ACTR2: variants seen among roughly 807,000 people sequenced by gnomAD.
ACTR2 encodes the protein actin related protein 2, also known as actin-related protein 2.
A neutral mutation model predicts 50.2 loss-of-function variants in ACTR2; 5 were observed. The ratio of observed to expected loss-of-function variants is 0.10; its 90% CI spans 0.05 to 0.21. The LOEUF (loss-of-function observed/expected upper bound fraction) is 0.21. Among genes scored for constraint, ACTR2 ranks in the 10% least tolerant of loss-of-function variants. The probability of loss-of-function intolerance (pLI) is 1.00; values close to 1 mark genes in which losing one functional copy is unlikely to be tolerated. For missense variants in ACTR2, 180 were observed against 480.6 expected (o/e 0.37, Z 5.85); for synonymous variants, 140 against 162.9 (o/e 0.86, Z 1.07).
chr2:65,244,236 A>T (rs1243132032), intron 2 of ACTR2, among the ~76,000 whole-genome samples: 5 of 152,182 alleles, frequency 3.3e-5, no homozygotes, highest in Admixed American at 6.5e-5. Flanking sequence ...TTGAAATCAG[A>T]TCAGACTTAT....
chr2:65,246,797 AAATTTTC>A, intron 3 of ACTR2, 58 bp downstream of exon 3: 2 of 274,318 alleles, frequency 7.3e-6, no homozygotes, highest in Non-Finnish European at 1.0e-5. Flanking sequence ...GTTAAATCAA[AAATTTTC>A]TTACTGTTGC....
In ACTR2 at chr2:65,262,062, A is replaced by C. The variant is rs561000472; in HGVS notation, c.881+670A>C. ...TATTCAGGTCCTTTGCCCATTTATT[A>C]ATTGGGTTATTTGCTTTCTTGCTAT... On this transcript the variant is annotated intron_variant, in intron 7 of 8. Transcript: ENST00000260641. Among the ~76,000 whole-genome samples, 3 of 152,198 alleles carry C rather than the reference A, an allele frequency of 2.0e-5. No homozygotes were observed. In the South Asian group the frequency reaches 6.2e-4, roughly 32 times the overall value.
intron 7 of ACTR2, among the ~76,000 whole-genome samples, chr2:65,261,619 T>G (rs7574095): frequency 0.011 from 1,681 of 152,338 alleles, 40 homozygotes; most frequent in African/African-American, 0.038. Context: ...TCATGTTTGC[T>G]TTTTCATTCT....
At chr2:65,263,256 G>T (rs1672308782) in intron 7 of ACTR2, among the ~76,000 whole-genome samples, 1 of 125,134 alleles carries the variant, frequency 8.0e-6, no homozygotes, top group Non-Finnish European at 1.7e-5. Context: ...GTAGATTTTG[G>T]AGTTTTGGGT....
intron 2 of ACTR2, among the ~76,000 whole-genome samples, chr2:65,242,806 T>C (rs1671866312): frequency 6.6e-6 from 1 of 152,216 alleles, no homozygotes; most frequent in Admixed American, 6.5e-5. Flanking sequence ...ACTTTTCAAG[T>C]TTGTTTTTAA....
At chr2:65,228,255 G>A in intron 1 of ACTR2, 2 of 340,914 alleles carry the variant, frequency 5.9e-6, no homozygotes, top group Non-Finnish European at 1.1e-5. Context: ...GCGCTAATGC[G>A]GGGGCAATTG....
intron 3 of ACTR2, among the ~76,000 whole-genome samples, chr2:65,249,008 G>T (rs527863788): frequency 4.0e-5 from 6 of 149,468 alleles, no homozygotes; most frequent in African/African-American, 1.5e-4. Flanking sequence ...GCGAGACTCT[G>T]TCTCAAAAAG....
At chr2:65,242,105 T>A in intron 2 of ACTR2, 1 of 1,445,980 alleles carries the variant, frequency 6.9e-7, no homozygotes, top group Non-Finnish European at 9.7e-7. Flanking sequence ...TTTCCACTTT[T>A]GCTTGATGGG....
chr2:65,253,265 C>T (rs1324971468), intron 4 of ACTR2, among the ~76,000 whole-genome samples: 2 of 152,020 alleles, frequency 1.3e-5, no homozygotes, highest in Admixed American at 6.6e-5. Context: ...CATGGCGAAA[C>T]TCTGTCTCTA....
chr2:65,238,532 G>A (rs1016788381), intron 1 of ACTR2, among the ~76,000 whole-genome samples: 1 of 151,634 alleles, frequency 6.6e-6, no homozygotes, highest in African/African-American at 2.4e-5. Flanking sequence ...GGTGGTGGGC[G>A]CCTGTAGTCT....
chr2:65,245,593 G>A (rs910782820), intron 2 of ACTR2, among the ~76,000 whole-genome samples: 1 of 152,042 alleles, frequency 6.6e-6, no homozygotes, highest in Non-Finnish European at 1.5e-5. Flanking sequence ...ACGTATTGTA[G>A]CAAATATCTA....
intron 2 of ACTR2, chr2:65,246,207 G>A (rs1314959915): frequency 1.6e-5 from 3 of 186,074 alleles, no homozygotes; most frequent in African/African-American, 7.1e-5. Context: ...GAACAATTGA[G>A]CAAAAGAAAC....
Position 65,265,045 on chromosome 2 carries a change from C to A in ACTR2, c.884C>A (p.Ser295Tyr). 6.2e-7 allele frequency: 1 copy of A among 1,614,138 alleles called. No homozygotes were observed. Among genetic ancestry groups the A allele is most frequent in the Non-Finnish European group, 8.5e-7 (1 of 1,179,996 alleles). The change falls in exon 8 of 9, where the codon TCT becomes TAT. Residue 295 changes from serine to tyrosine, a missense_variant and splice_region_variant. Transcript: ENST00000260641. ...TIQAADIDTR[S>Y]EFYKHIVLSG... ...GAATAACCATTGTGCCTTTCTAGAT[C>A]TGAATTCTACAAACACATTGTGCTT...
chr2:65,232,618 A>G (rs1187861138), intron 1 of ACTR2, among the ~76,000 whole-genome samples: 1 of 152,204 alleles, frequency 6.6e-6, no homozygotes, highest in Non-Finnish European at 1.5e-5. Flanking sequence ...TAAATATTAA[A>G]TAAGCCCAAA....
At chr2:65,231,462 A>G (rs1012106344) in intron 1 of ACTR2, among the ~76,000 whole-genome samples, 2 of 152,226 alleles carry the variant, frequency 1.3e-5, no homozygotes, top group African/African-American at 4.8e-5. Flanking sequence ...GAAGATATTC[A>G]GATGTAATTT....
intron 8 of ACTR2, among the ~76,000 whole-genome samples, chr2:65,265,506 T>A (rs1343221137): frequency 6.6e-6 from 1 of 152,218 alleles, no homozygotes; most frequent in Admixed American, 6.5e-5. Context: ...TTTTGTTCTT[T>A]TTTTAAACTT....
chr2:65,254,814 AT>A (rs773363031), intron 5 of ACTR2, among the ~76,000 whole-genome samples: 106 of 152,316 alleles, frequency 7.0e-4, no homozygotes, highest in South Asian at 1.0e-3. Context: ...ATTTAAAGTA[AT>A]CCTCCTCATG....
At position 65,228,781 on chromosome 2, in the gene ACTR2, A is replaced by T. The variant is rs1304664656; in HGVS notation, c.48+824A>T. On this transcript the variant is annotated intron_variant, in intron 1 of 8. Transcript: ENST00000260641. ...TAAGATTCAAAAATTGTAAAATCTGACTAAAGCACTGATTTAGAAACTATT... is the reference window on the plus strand; with the variant it reads ...TAAGATTCAAAAATTGTAAAATCTGTCTAAAGCACTGATTTAGAAACTATT... Among the ~76,000 whole-genome samples the T allele has an allele frequency of 2.0e-5, 3 of 152,208 alleles. No homozygotes were observed. The South Asian group carries it at 6.2e-4, about 31-fold the overall frequency.
chr2:65,230,586 A>G (rs6753032), intron 1 of ACTR2, among the ~76,000 whole-genome samples: 1 of 151,132 alleles, frequency 6.6e-6, no homozygotes, highest in South Asian at 2.1e-4. Context: ...TAATTTTTTT[A>G]TTTTTGTAGA....
Sources: allele counts gnomAD v4.1 joint callset (sites outside exome capture counted in the v4.1 genomes callset), GRCh38; gene constraint gnomAD v4.1.1; transcripts MANE v1.5; gene names NCBI Gene and HGNC (gene_info 2026-07-23, HGNC 2026-07-21).